HCN1: variants seen among roughly 807,000 people sequenced by gnomAD.
HCN1 encodes the protein hyperpolarization activated cyclic nucleotide gated potassium channel 1, also known as potassium/sodium hyperpolarization-activated cyclic nucleotide-gated channel 1.
A neutral mutation model predicts 78.9 loss-of-function variants in HCN1; 13 were observed. That is an observed-to-expected ratio of 0.16 (90% CI 0.11 to 0.26). The LOEUF is 0.26. HCN1 is among the 10% of genes least tolerant of loss of function. The probability of loss-of-function intolerance (pLI) is 1.00; values close to 1 mark genes in which losing one functional copy is unlikely to be tolerated. For missense variants in HCN1, 810 were observed against 1,154.3 expected, an observed-to-expected ratio of 0.70 and a Z score of 4.32; for synonymous variants, 552 against 455.5, an observed-to-expected ratio of 1.21 and a Z score of -2.70.
intron 2 of HCN1, among the ~76,000 whole-genome samples, chr5:45,486,835 T>G (rs1242956565): frequency 1.3e-5 from 2 of 152,086 alleles, no homozygotes; most frequent in Non-Finnish European, 2.9e-5. Flanking sequence ...TCATGAACTT[T>G]TATAATCAGA....
intron 5 of HCN1, among the ~76,000 whole-genome samples, chr5:45,328,122 C>T (rs1228839592): frequency 1.3e-5 from 2 of 151,594 alleles, no homozygotes; most frequent in Non-Finnish European, 1.5e-5. Context: ...GTGCTGAACC[C>T]ATTTGCTGTC....
intron 2 of HCN1, among the ~76,000 whole-genome samples, chr5:45,505,666 A>T (rs558504413): frequency 2.3e-4 from 35 of 151,566 alleles, no homozygotes; most frequent in Admixed American, 4.6e-4. Context: ...TAAAATCTGG[A>T]TGCATATATA....
At position 45,599,918 on chromosome 5, in the gene HCN1, T is replaced by C. The variant is rs1424842696; in HGVS notation, c.849+45267A>G. Among the ~76,000 whole-genome samples, 3 of 152,054 alleles carry C rather than the reference T, an allele frequency of 2.0e-5. No individual in the cohort carries two copies. In the East Asian group the frequency reaches 5.8e-4, roughly 29 times the overall value. On this transcript the variant is annotated intron_variant, in intron 2 of 7. Coordinates refer to ENST00000303230, the MANE Select transcript of HCN1 (RefSeq NM_021072.4). ...CAGTTCTTAACATGGAAGTTTCTTC[T>C]TTCTCATCAAGACCACACAGAGACA...
At chr5:45,608,243 A>T (rs1328906406) in intron 2 of HCN1, among the ~76,000 whole-genome samples, 1 of 152,014 alleles carries the variant, frequency 6.6e-6, no homozygotes, top group Non-Finnish European at 1.5e-5. Context: ...AATAGAACAC[A>T]TACCATGTTC....
At chr5:45,603,316 A>G (rs1315199432) in intron 2 of HCN1, among the ~76,000 whole-genome samples, 2 of 152,096 alleles carry the variant, frequency 1.3e-5, no homozygotes, top group Non-Finnish European at 2.9e-5. Flanking sequence ...TCTAATGGCT[A>G]GAACAATTGC....
intron 6 of HCN1, among the ~76,000 whole-genome samples, chr5:45,284,199 T>C (rs1404527627): frequency 6.6e-6 from 1 of 152,096 alleles, no homozygotes; most frequent in Non-Finnish European, 1.5e-5. Context: ...GCTTGGTACC[T>C]GGGTGATGAA....
Position 45,668,885 on chromosome 5 carries a change from C to G in HCN1, c.426-23277G>C, listed in dbSNP as rs187677206. Reference sequence around the variant, plus strand: ...GTCCACTAGTATCTTGTTGTCAGCTCTATTCATGTTTATTATTGACCAAAG... The same window carrying G: ...GTCCACTAGTATCTTGTTGTCAGCTGTATTCATGTTTATTATTGACCAAAG... On this transcript the variant is annotated intron_variant, in intron 1 of 7. Coordinates refer to ENST00000303230, the MANE Select transcript of HCN1 (RefSeq NM_021072.4). Among the ~76,000 whole-genome samples the G allele has an allele frequency of 3.4e-4, 51 of 151,942 alleles. 1 individual carries two copies. The East Asian group carries it at 7.8e-3, about 23-fold the overall frequency.
At chr5:45,637,599 T>C (rs1444321392) in intron 2 of HCN1, among the ~76,000 whole-genome samples, 1 of 150,854 alleles carries the variant, frequency 6.6e-6, no homozygotes, top group Non-Finnish European at 1.5e-5. Context: ...ATGGAACTAA[T>C]TGTGTCTGAG....
chr5:45,484,013 T>C (rs925897250), intron 2 of HCN1, among the ~76,000 whole-genome samples: 4 of 152,202 alleles, frequency 2.6e-5, no homozygotes, highest in African/African-American at 7.2e-5. Context: ...CTCATTTGGT[T>C]ATTGTGGCTT....
intron 4 of HCN1, among the ~76,000 whole-genome samples, chr5:45,373,888 T>C (rs970121395): frequency 2.2e-5 from 3 of 135,844 alleles, no homozygotes; most frequent in East Asian, 2.1e-4. Flanking sequence ...ATACGGTATA[T>C]ATGTCATCTA....
chr5:45,336,390 T>C (rs1746456530), intron 5 of HCN1, among the ~76,000 whole-genome samples: 1 of 152,136 alleles, frequency 6.6e-6, no homozygotes, highest in Non-Finnish European at 1.5e-5. Context: ...AGTATTTTAG[T>C]GCACAGTGGA....
At chr5:45,481,410 G>A (rs911901110) in intron 2 of HCN1, among the ~76,000 whole-genome samples, 4 of 152,134 alleles carry the variant, frequency 2.6e-5, no homozygotes, top group African/African-American at 4.8e-5. Context: ...TGATTTGGGC[G>A]ATGGAAACTA....
At chr5:45,683,055 C>G (rs1217860093) in intron 1 of HCN1, among the ~76,000 whole-genome samples, 1 of 151,852 alleles carries the variant, frequency 6.6e-6, no homozygotes, top group African/African-American at 2.4e-5. Flanking sequence ...CCCTCCATAG[C>G]TTTATTATTA....
intron 4 of HCN1, among the ~76,000 whole-genome samples, chr5:45,378,676 G>T (rs1357178314): frequency 1.3e-5 from 2 of 152,090 alleles, no homozygotes; most frequent in African/African-American, 2.4e-5. Flanking sequence ...ACAACGTGCA[G>T]GTTTGTCACA....
At chr5:45,479,494 T>C (rs1459499778) in intron 2 of HCN1, among the ~76,000 whole-genome samples, 1 of 152,186 alleles carries the variant, frequency 6.6e-6, no homozygotes, top group Non-Finnish European at 1.5e-5. Flanking sequence ...GTTGTTGGAA[T>C]AGTTCAAGCT....
chr5:45,505,117 T>G (rs1742271990), intron 2 of HCN1, among the ~76,000 whole-genome samples: 1 of 152,358 alleles, frequency 6.6e-6, no homozygotes, highest in East Asian at 1.9e-4. Context: ...TAGATTCCGT[T>G]TGTCAATTTT....
intron 1 of HCN1, among the ~76,000 whole-genome samples, chr5:45,690,760 T>G (rs1484698922): frequency 6.6e-6 from 1 of 152,088 alleles, no homozygotes; most frequent in Non-Finnish European, 1.5e-5. Context: ...AGTTTGTTAC[T>G]CCTTTACACA....
intron 2 of HCN1, among the ~76,000 whole-genome samples, chr5:45,595,195 C>G (rs1406581465): frequency 6.6e-6 from 1 of 152,192 alleles, no homozygotes; most frequent in East Asian, 1.9e-4. Flanking sequence ...AACATCTAAG[C>G]TGTCAAGACC....
At chr5:45,572,669 A>G (rs1355728706) in intron 2 of HCN1, among the ~76,000 whole-genome samples, 5 of 152,132 alleles carry the variant, frequency 3.3e-5, no homozygotes. Flanking sequence ...TACCATACAT[A>G]AAAGATTGGT....
Sources: allele counts gnomAD v4.1 joint callset (sites outside exome capture counted in the v4.1 genomes callset), GRCh38; gene constraint gnomAD v4.1.1; transcripts MANE v1.5; gene names NCBI Gene and HGNC (gene_info 2026-07-23, HGNC 2026-07-21).